The following NLGN1 variants were observed in gnomAD, a reference collection of about 807,000 sequenced individuals.
NLGN1 encodes the protein neuroligin-1.
NLGN1 carries 12 observed loss-of-function variants against 65.5 expected under a neutral mutation model. That is an observed-to-expected ratio of 0.18 (90% CI 0.12 to 0.30). The LOEUF (loss-of-function observed/expected upper bound fraction) is 0.30. Ranked by LOEUF, NLGN1 falls within the 10% of genes least tolerant of loss-of-function variation. NLGN1 has a pLI of 1.00. For synonymous variants in NLGN1, 350 were observed against 359.5 expected (o/e 0.97, Z 0.30); for missense variants, 750 against 1,007.1 (o/e 0.74, Z 3.46).
At chr3:174,275,974 T>C (rs1750482706) in intron 5 of NLGN1, among the ~76,000 whole-genome samples, 1 of 151,886 alleles carries the variant, frequency 6.6e-6, no homozygotes, top group Non-Finnish European at 1.5e-5. Flanking sequence ...ATAAGCTAGT[T>C]TGTCTGAAAA....
Position 173,603,868 on chromosome 3 carries a change from G to A in NLGN1, c.-320-411G>A, listed in dbSNP as rs149969910. Among the ~76,000 whole-genome samples, 219 of 152,038 alleles carry A rather than the reference G, an allele frequency of 1.4e-3. 1 individual carries two copies. In the East Asian group the frequency reaches 0.03, roughly 21 times the overall value. ...TTCTTACAGAGTTTGTATCTGTTCT[G>A]CTAGTTTACTGCCAGTTTCTTAAAA... is the stretch of plus-strand genomic sequence containing the variant. On this transcript the variant is annotated intron_variant, in intron 2 of 6. Coordinates refer to ENST00000457714, the Ensembl canonical transcript of NLGN1.
chr3:174,168,020 G>C (rs1174850118), intron 4 of NLGN1, among the ~76,000 whole-genome samples: 2 of 151,362 alleles, frequency 1.3e-5, no homozygotes, highest in Non-Finnish European at 2.9e-5. Flanking sequence ...ATTATATTTT[G>C]AAATTCCTTA....
At chr3:173,913,458 T>G (rs1013828597) in intron 4 of NLGN1, among the ~76,000 whole-genome samples, 1 of 152,118 alleles carries the variant, frequency 6.6e-6, no homozygotes, top group African/African-American at 2.4e-5. Flanking sequence ...TCTAGCTGAG[T>G]CTTTTTAAGT....
intron 4 of NLGN1, among the ~76,000 whole-genome samples, chr3:173,999,786 T>A (rs1486473786): frequency 6.6e-6 from 1 of 152,146 alleles, no homozygotes. Flanking sequence ...GACCTTTCAA[T>A]TGAAAGATTC....
intron 4 of NLGN1, among the ~76,000 whole-genome samples, chr3:174,255,303 C>T (rs999124574): frequency 1.3e-5 from 2 of 151,664 alleles, no homozygotes; most frequent in African/African-American, 4.9e-5. Context: ...GGCGTGGTGG[C>T]GGGCACCTTG....
intron 2 of NLGN1, among the ~76,000 whole-genome samples, chr3:173,591,692 T>A (rs1047588905): frequency 2.0e-5 from 3 of 152,176 alleles, no homozygotes; most frequent in African/African-American, 7.2e-5. Flanking sequence ...GGATTTTTTT[T>A]AACTGGACTT....
chr3:173,814,152 G>C (rs939713375), intron 4 of NLGN1, among the ~76,000 whole-genome samples: 1 of 152,216 alleles, frequency 6.6e-6, no homozygotes, highest in Non-Finnish European at 1.5e-5. Context: ...GCCCACAGGG[G>C]CACCCCATAG....
chr3:173,920,442 A>G (rs1320908122), intron 4 of NLGN1: 1 of 152,224 alleles, frequency 6.6e-6, no homozygotes, highest in Non-Finnish European at 1.5e-5. Flanking sequence ...TAGAAGACAC[A>G]GTCTGGCACA....
chr3:173,830,168 G>A (rs1419490637), intron 4 of NLGN1, among the ~76,000 whole-genome samples: 1 of 152,044 alleles, frequency 6.6e-6, no homozygotes, highest in African/African-American at 2.4e-5. Flanking sequence ...TGTATTCATC[G>A]AGATTTATAA....
chr3:173,548,632 T>C (rs980987485), intron 2 of NLGN1, among the ~76,000 whole-genome samples: 109 of 152,168 alleles, frequency 7.2e-4, no homozygotes, highest in Middle Eastern at 3.4e-3. Flanking sequence ...TAATGAAGGC[T>C]GGATTTTTAT....
intron 2 of NLGN1, among the ~76,000 whole-genome samples, chr3:173,542,232 T>C (rs1449091642): frequency 6.6e-6 from 1 of 152,076 alleles, no homozygotes; most frequent in Non-Finnish European, 1.5e-5. Context: ...CTTATTCTTG[T>C]ATGGCTCCAT....
At chr3:173,646,991 A>G (rs1242391526) in intron 3 of NLGN1, among the ~76,000 whole-genome samples, 1 of 152,200 alleles carries the variant, frequency 6.6e-6, no homozygotes, top group Non-Finnish European at 1.5e-5. Context: ...AACAGAATGG[A>G]AAATAAATGC....
chr3:174,138,487 T>G (rs1721639802), intron 4 of NLGN1, among the ~76,000 whole-genome samples: 1 of 147,436 alleles, frequency 6.8e-6, no homozygotes, highest in Middle Eastern at 3.3e-3. Flanking sequence ...GAGGCTGGAG[T>G]GTAGTGGCGC....
At chr3:173,911,381 C>T in intron 4 of NLGN1, among the ~76,000 whole-genome samples, 1 of 152,086 alleles carries the variant, frequency 6.6e-6, no homozygotes, top group Non-Finnish European at 1.5e-5. Flanking sequence ...TATGAGAATG[C>T]AAAAATACTC....
chr3:173,977,092 TACAC>T (rs112753620), intron 4 of NLGN1, among the ~76,000 whole-genome samples: 75 of 150,206 alleles, frequency 5.0e-4, no homozygotes, highest in African/African-American at 1.3e-3. Flanking sequence ...AGGAAAAAGA[TACAC>T]ACACACACAC....
At chr3:173,815,632 T>C (rs1209332348) in intron 4 of NLGN1, among the ~76,000 whole-genome samples, 1 of 152,116 alleles carries the variant, frequency 6.6e-6, no homozygotes, top group East Asian at 1.9e-4. Flanking sequence ...ACTCCTACTC[T>C]CCTACCCTGA....
chr3:174,261,310 C>G (rs1427286802), intron 4 of NLGN1, among the ~76,000 whole-genome samples: 1 of 147,384 alleles, frequency 6.8e-6, no homozygotes, highest in Non-Finnish European at 1.5e-5. Context: ...ATTCTTCCTA[C>G]CCATGAGCAT....
intron 4 of NLGN1, among the ~76,000 whole-genome samples, chr3:174,238,762 G>T (rs956258097): frequency 3.3e-5 from 5 of 152,270 alleles, no homozygotes; most frequent in East Asian, 3.9e-4. Context: ...ATAGACAGAG[G>T]ATGCAAAATA....
At chr3:173,718,599 C>T (rs1770276178) in intron 3 of NLGN1, among the ~76,000 whole-genome samples, 1 of 152,084 alleles carries the variant, frequency 6.6e-6, no homozygotes, top group African/African-American at 2.4e-5. Flanking sequence ...AAAAGTTTCA[C>T]TCAACTGTAA....
Sources: gnomAD v4.1 joint callset for allele counts (sites outside exome capture counted in the v4.1 genomes callset) on GRCh38, gnomAD v4.1.1 for gene constraint, MANE v1.5 for transcripts, NCBI Gene and HGNC (gene_info 2026-07-23, HGNC 2026-07-21) for gene names.